C2orf92: variants seen among roughly 807,000 people sequenced by gnomAD.
C2orf92 encodes the protein chromosome 2 open reading frame 92, also known as uncharacterized protein C2orf92.
intron 1 of C2orf92, chr2:97,671,461 A>C (rs1675409799): frequency 2.5e-6 from 1 of 398,444 alleles, no homozygotes; most frequent in South Asian, 1.3e-4. Flanking sequence ...TTTTCCTCAA[A>C]TTCAAAAAAT....
Position 97,690,370 on chromosome 2 carries a change from C to A in C2orf92, c.403+43C>A. Reference sequence around the variant, plus strand: ...AAATTGGAATTGGGGGTTGGTAAGTCATTGTTCTTTTTCCTCTTTTTTTTT... The same window carrying A: ...AAATTGGAATTGGGGGTTGGTAAGTAATTGTTCTTTTTCCTCTTTTTTTTT... On this transcript the variant is annotated intron_variant, in intron 5 of 7. Transcript: ENST00000627399. 3 of 396,008 alleles carry A rather than the reference C, an allele frequency of 7.6e-6. No individual in the cohort carries two copies. In the South Asian group the frequency reaches 3.9e-4, roughly 51 times the overall value. The allele number at this position is 396,008 out of a possible 1,614,324, so 24.5% of individuals were successfully genotyped here.
At chr2:97,694,884 G>T (rs535341141) in intron 5 of C2orf92, among the ~76,000 whole-genome samples, 1 of 152,094 alleles carries the variant, frequency 6.6e-6, no homozygotes, top group African/African-American at 2.4e-5. Context: ...CCACATCCTC[G>T]CCAATTCCCT....
At chr2:97,684,704 T>C (rs2104569075) in intron 3 of C2orf92, among the ~76,000 whole-genome samples, 2 of 152,350 alleles carry the variant, frequency 1.3e-5, no homozygotes, top group Admixed American at 1.3e-4. Context: ...GCAATTCACA[T>C]ATCTGATGAG....
chr2:97,685,751 TG>T (rs1396072355), intron 3 of C2orf92, among the ~76,000 whole-genome samples: 1 of 151,958 alleles, frequency 6.6e-6, no homozygotes, highest in Non-Finnish European at 1.5e-5. Flanking sequence ...TTAGTAGAGA[TG>T]GGGTTTTGCC....
In C2orf92 at chr2:97,688,938, A is replaced by T. The variant is rs1464635411; in HGVS notation, c.276A>T (p.Pro92=). Residue 92 remains proline, a synonymous_variant, in exon 4 of 8, where the codon CCA becomes CCT. Transcript: ENST00000627399. The part of the protein sequence containing the change: ...LQVFPKFPYD[P]SFNEATAVRS... ...TGTTTCCAAAGTTTCCGTATGACCC[A>T]TCATTTAACGAAGCAACAGCAGTCA... 7.5e-6 allele frequency: 3 copies of T among 398,506 alleles called. No homozygotes were observed. In the East Asian group the frequency reaches 1.1e-4, roughly 14 times the overall value. 24.7% of individuals were successfully genotyped at this position (398,506 alleles called of 1,614,324 possible).
chr2:97,688,947 C>T lies in C2orf92; in HGVS notation c.285C>T (p.Asn95=), dbSNP rs183918574. The T allele has an allele frequency of 2.0e-5, 8 of 398,502 alleles. No homozygotes were observed. The highest frequency in any genetic ancestry group is 4.1e-5 in the African/African-American group (2 of 48,692). The allele number at this position is 398,502 out of a possible 1,614,324, so 24.7% of individuals were successfully genotyped here. Residue 95 remains asparagine (N), a synonymous_variant, in exon 4 of 8, where the codon AAC becomes AAT. Coordinates refer to ENST00000627399, the MANE Select transcript of C2orf92 (RefSeq NM_001351368.2). ...AGTTTCCGTATGACCCATCATTTAA[C>T]GAAGCAACAGCAGTCAGATCCATTA... is the stretch of plus-strand genomic sequence containing the variant. The part of the protein sequence containing the change: ...FPKFPYDPSF[N]EATAVRSITK...
At chr2:97,689,023 C>G (rs528142809) in intron 4 of C2orf92, 30 bp downstream of exon 4, 1 of 398,554 alleles carries the variant, frequency 2.5e-6, no homozygotes, top group East Asian at 3.6e-5. Context: ...ATAATAAGTG[C>G]ACACATTTCT....
chr2:97,671,347 A>C, intron 1 of C2orf92: 2 of 393,520 alleles, frequency 5.1e-6, no homozygotes. Context: ...GGGTCTCCCT[A>C]TGTTTCCCAG....
chr2:97,664,027 A>C (rs1209867751), upstream of C2orf92: 1 of 403,926 alleles, frequency 2.5e-6, no homozygotes, highest in African/African-American at 2.2e-5. Context: ...AGCCTACGCG[A>C]GCCCCGCGGG....
chr2:97,685,165 G>A lies in C2orf92; in HGVS notation c.233-3730G>A, dbSNP rs575258719. The stretch of plus-strand genomic sequence containing the variant: ...AGGATGGTCTCGATCTCCTGACCTC[G>A]TGATCCATCCACCTCGGCCTCCCAA... On this transcript the variant is annotated intron_variant, in intron 3 of 7. Coordinates refer to ENST00000627399, the MANE Select transcript of C2orf92 (RefSeq NM_001351368.2). Among the ~76,000 whole-genome samples, 215 of 150,192 alleles carry A rather than the reference G, an allele frequency of 1.4e-3. 3 individuals carry two copies. Among genetic ancestry groups the A allele is most frequent in the Middle Eastern group, 7.2e-3 (2 of 278 alleles).
At chr2:97,671,113 G>A (rs1332975625) in intron 1 of C2orf92, 1 of 157,988 alleles carries the variant, frequency 6.3e-6, no homozygotes, top group Non-Finnish European at 1.4e-5. Flanking sequence ...CACCACGCCT[G>A]GCTAATTTAC....
chr2:97,690,910 C>T (rs1248307000), intron 5 of C2orf92: 1 of 152,040 alleles, frequency 6.6e-6, no homozygotes, highest in African/African-American at 2.4e-5. Flanking sequence ...TCCCAAGTAG[C>T]TGGGACTACA....
chr2:97,678,980 G>GAA (rs543236292), intron 3 of C2orf92, among the ~76,000 whole-genome samples: 1 of 124,950 alleles, frequency 8.0e-6, no homozygotes. Context: ...TCCTTTCTTG[G>GAA]AAAAAAAAAA....
At chr2:97,690,625 C>T (rs1326594802) in intron 5 of C2orf92, among the ~76,000 whole-genome samples, 1 of 152,072 alleles carries the variant, frequency 6.6e-6, no homozygotes, top group Non-Finnish European at 1.5e-5. Context: ...TCGTGATCCA[C>T]CTGCCTTGGC....
Position 97,702,758 on chromosome 2 carries a change from T to C in C2orf92, c.755T>C (p.Leu252Pro), listed in dbSNP as rs139836254. Residue 252 changes from leucine (L) to proline (P), a missense_variant, in exon 8 of 8, where the codon CTT (leucine) becomes CCT (proline). By Grantham distance (98) the Leu-to-Pro change is moderately conservative. Transcript: ENST00000627399. ...TCTGAAGAAAAAAATTTCACAAAAC[T>C]TGCAAAAAAACAGAAACAGTTGAAG... is the stretch of plus-strand genomic sequence containing the variant. ...HNSEEKNFTK[L>P]AKKQKQLKSS... The C allele has an allele frequency of 2.5e-3, 1,000 of 398,884 alleles. 7 individuals carry two copies. Among genetic ancestry groups the C allele is most frequent in the African/African-American group, 0.019 (907 of 48,706 alleles). The allele number at this position is 398,884 out of a possible 1,614,324, so 24.7% of individuals were successfully genotyped here.
At chr2:97,700,691 G>A (rs1228108363) in intron 6 of C2orf92, among the ~76,000 whole-genome samples, 4 of 151,912 alleles carry the variant, frequency 2.6e-5, no homozygotes, top group Non-Finnish European at 4.4e-5. Flanking sequence ...CTTCCCAAGA[G>A]GACTTCTGGA....
upstream of C2orf92, chr2:97,668,203 T>C (rs1675298772): frequency 1.3e-5 from 2 of 152,184 alleles, no homozygotes; most frequent in African/African-American, 4.8e-5. Context: ...GTTTTTGTTT[T>C]TGTTTTGGAA....
chr2:97,693,138 G>A (rs1315441729), intron 5 of C2orf92, among the ~76,000 whole-genome samples: 2 of 152,172 alleles, frequency 1.3e-5, no homozygotes, highest in Non-Finnish European at 2.9e-5. Flanking sequence ...GTTAATGCAT[G>A]TTGTAGCATA....
chr2:97,687,421 C>T (rs1352226982), intron 3 of C2orf92, among the ~76,000 whole-genome samples: 1 of 152,110 alleles, frequency 6.6e-6, no homozygotes, highest in African/African-American at 2.4e-5. Context: ...CCACCACCAC[C>T]ACCACCACAA....
Sources: gnomAD v4.1 joint callset for allele counts (sites outside exome capture counted in the v4.1 genomes callset) on GRCh38, gnomAD v4.1.1 for gene constraint, MANE v1.5 for transcripts, NCBI Gene and HGNC (gene_info 2026-07-23, HGNC 2026-07-21) for gene names.